DNAH7: variants seen among roughly 807,000 people sequenced by gnomAD.
DNAH7 encodes the protein axonemal beta dynein heavy chain 7.
A neutral mutation model predicts 444.6 loss-of-function variants in DNAH7; 397 were observed. The observed-to-expected ratio is 0.89, with a 90% CI of 0.82 to 0.97. DNAH7 has a LOEUF of 0.97. DNAH7 is among the 50% of genes least tolerant of loss of function. DNAH7 has a pLI of 0.00. For synonymous variants in DNAH7, 1,636 were observed against 1,624.4 expected (o/e 1.01, Z -0.17); for missense variants, 4,902 against 4,800.8 (o/e 1.02, Z -0.62).
At chr2:196,062,886 GTTTT>G (rs1353648209) in intron 1 of DNAH7, among the ~76,000 whole-genome samples, 1 of 152,010 alleles carries the variant, frequency 6.6e-6, no homozygotes, top group African/African-American at 2.4e-5. Context: ...TTTTGTTTTT[GTTTT>G]TTGTTTGTTT....
intron 14 of DNAH7, among the ~76,000 whole-genome samples, chr2:195,985,222 T>C (rs757778103): frequency 2.6e-5 from 4 of 151,954 alleles, no homozygotes; most frequent in Non-Finnish European, 2.9e-5. Flanking sequence ...AAAAAAAAAG[T>C]AGCAAGAGCT....
At chr2:195,990,891 T>TTATATACATATATATACTTA (rs1693276477) in intron 12 of DNAH7, among the ~76,000 whole-genome samples, 3 of 129,232 alleles carry the variant, frequency 2.3e-5, no homozygotes, top group Admixed American at 8.3e-5. Flanking sequence ...ACATATATAC[T>TTATATACATATATATACTTA]TATATACATA....
At chr2:195,759,811 C>T (rs911473873) in intron 61 of DNAH7, among the ~76,000 whole-genome samples, 6 of 151,980 alleles carry the variant, frequency 3.9e-5, no homozygotes, top group South Asian at 2.1e-4. Context: ...AAGATTGTGC[C>T]GCTGCACTCC....
Position 196,026,896 on chromosome 2 carries a change from T to C in DNAH7, c.531A>G (p.Val177=). ...YIHHGIDTDH[V]APMEDSWLEH... ...CTAGCCAAGAATCTTCCATTGGGGC[T>C]ACATGGTCTGTATCAATTCCATGGT... Residue 177 remains valine (V), a synonymous_variant, in exon 7 of 65, where the codon GTA becomes GTG. Transcript: ENST00000312428. 6.2e-7 allele frequency: 1 copy of C among 1,612,346 alleles called. No individual in the cohort carries two copies. Among genetic ancestry groups the C allele is most frequent in the Non-Finnish European group, 8.5e-7 (1 of 1,178,744 alleles).
chr2:195,819,491 A>G (rs1430039176), intron 49 of DNAH7, among the ~76,000 whole-genome samples: 1 of 152,118 alleles, frequency 6.6e-6, no homozygotes, highest in Non-Finnish European at 1.5e-5. Context: ...TCACTTGATG[A>G]TTCTTCCCAA....
rs1269564182 is a variant in DNAH7, at chr2:195,960,267, G to GT, written c.2883dup (p.Gln962ThrfsTer18). 15 of 1,601,616 alleles carry GT rather than the reference G, an allele frequency of 9.4e-6. No homozygotes were observed. The highest frequency in any genetic ancestry group is 1.3e-5 in the Non-Finnish European group (15 of 1,173,740). On this transcript the variant is annotated frameshift_variant, in exon 18 of 65. Transcript: ENST00000312428. LOFTEE classifies it high-confidence loss of function. ...ATATAAATATCACTTTACCTCATTT[G>GT]TTTTTCATAAGGCTTAATGAAAGGA...
At chr2:196,008,815 T>C (rs1694543610) in intron 10 of DNAH7, among the ~76,000 whole-genome samples, 1 of 152,186 alleles carries the variant, frequency 6.6e-6, no homozygotes, top group African/African-American at 2.4e-5. Flanking sequence ...CAGAGTTTCT[T>C]TCTAGGGCGT....
chr2:195,797,482 G>C lies in DNAH7; in HGVS notation c.10354-745C>G, dbSNP rs192550841. Among the ~76,000 whole-genome samples the C allele has an allele frequency of 1.4e-4, 21 of 152,318 alleles. No individual in the cohort carries two copies. In the East Asian group the frequency reaches 4.1e-3, roughly 29 times the overall value. On this transcript the variant is annotated intron_variant, in intron 55 of 64. Coordinates refer to ENST00000312428, the MANE Select transcript of DNAH7 (RefSeq NM_018897.3). ...GAGACAGCAAGAGAAGAGAATGCAT[G>C]AGCAGGACCCACATAGGAGCCAGAG...
intron 1 of DNAH7, among the ~76,000 whole-genome samples, chr2:196,058,998 A>G (rs191904498): frequency 6.6e-6 from 1 of 152,062 alleles, no homozygotes; most frequent in East Asian, 1.9e-4. Flanking sequence ...AAGGGAATAG[A>G]ATTAGGAGTT....
rs554681557 is a variant in DNAH7, at chr2:195,975,612, T to C, written c.1834-3146A>G. Among the ~76,000 whole-genome samples, 450 of 152,030 alleles carry C rather than the reference T, an allele frequency of 3.0e-3. 6 individuals carry two copies. Among genetic ancestry groups the C allele is most frequent in the African/African-American group, 0.01 (427 of 41,460 alleles). ...GCTAAAGAAGTGGTTGTGCCATCCC[T>C]CCCCCAACCCCAGGCAGCACAGCTC... On this transcript the variant is annotated intron_variant, in intron 15 of 64. Transcript: ENST00000312428.
At chr2:196,008,384 A>G (rs868177832) in intron 10 of DNAH7, among the ~76,000 whole-genome samples, 2 of 152,306 alleles carry the variant, frequency 1.3e-5, no homozygotes, top group Middle Eastern at 3.4e-3. Flanking sequence ...AGTGTTCCTC[A>G]AAAAGTCAGA....
intron 24 of DNAH7, among the ~76,000 whole-genome samples, chr2:195,916,066 G>A (rs1687654540): frequency 1.3e-5 from 2 of 152,200 alleles, no homozygotes; most frequent in African/African-American, 4.8e-5. Context: ...CAATTTTATG[G>A]AGAACAGACA....
Position 195,970,176 on chromosome 2 carries a change from C to G in DNAH7, c.2059-82G>C, listed in dbSNP as rs1470566239. ...AAAATTTTAACATTGTAGGAGTTATCAGAATTATTATTATATTTTGTCACT... is the reference window on the plus strand; with the variant it reads ...AAAATTTTAACATTGTAGGAGTTATGAGAATTATTATTATATTTTGTCACT... On this transcript the variant is annotated intron_variant, in intron 16 of 64. Coordinates refer to ENST00000312428, the MANE Select transcript of DNAH7 (RefSeq NM_018897.3). The G allele has an allele frequency of 5.5e-5, 71 of 1,296,488 alleles. 1 individual carries two copies. The South Asian group carries it at 1.1e-3, about 20-fold the overall frequency. 80.3% of individuals were successfully genotyped at this position (1,296,488 alleles called of 1,614,324 possible).
chr2:195,933,977 ATTC>A (rs939645737), intron 21 of DNAH7, among the ~76,000 whole-genome samples: 44 of 152,200 alleles, frequency 2.9e-4, no homozygotes, highest in African/African-American at 1.0e-3. Flanking sequence ...CATGATTTTT[ATTC>A]TTGACTAAAA....
chr2:195,975,584 C>T (rs1306131869), intron 15 of DNAH7, among the ~76,000 whole-genome samples: 1 of 151,372 alleles, frequency 6.6e-6, no homozygotes, highest in East Asian at 2.0e-4. Context: ...AGTGATATAC[C>T]TAGCTAAAGA....
At chr2:195,895,270 T>A in intron 29 of DNAH7, 46 bp from the exon 30 acceptor site, 2 of 1,272,128 alleles carry the variant, frequency 1.6e-6, no homozygotes, top group Non-Finnish European at 2.1e-6. Context: ...ATATTTATAT[T>A]AAATACAAAT....
intron 27 of DNAH7, chr2:195,904,348 G>C (rs1413085976): frequency 6.6e-6 from 1 of 152,470 alleles, no homozygotes; most frequent in Non-Finnish European, 1.5e-5. Context: ...ACAGGAAAGA[G>C]GAGGCTTAGA....
rs796419472 is a variant in DNAH7 at position 195,866,344 on chromosome 2, CT to C, written c.6634-1324del. ...AAATTGATGATTTCATAGTGTTATC[CT>C]TTTTTTTTTTCACTAATAGTGTCTG... is the stretch of plus-strand genomic sequence containing the variant. On this transcript the variant is annotated intron_variant, in intron 40 of 64. Transcript: ENST00000312428. 5.0e-3 allele frequency among the ~76,000 whole-genome samples: 725 copies of C among 145,066 alleles called. 3 individuals carry two copies. Among genetic ancestry groups the C allele is most frequent in the African/African-American group, 0.016 (624 of 39,740 alleles).
chr2:195,815,319 T>G (rs1697171117), intron 51 of DNAH7, among the ~76,000 whole-genome samples: 6 of 152,154 alleles, frequency 3.9e-5, no homozygotes, highest in Admixed American at 3.9e-4. Context: ...CTACTCCCTC[T>G]CTTTCTCAAT....
Sources: allele counts gnomAD v4.1 joint callset (sites outside exome capture counted in the v4.1 genomes callset), GRCh38; gene constraint gnomAD v4.1.1; transcripts MANE v1.5; gene names NCBI Gene and HGNC (gene_info 2026-07-23, HGNC 2026-07-21).